ACO1: variants seen among roughly 807,000 people sequenced by gnomAD.
ACO1 encodes aconitase 1.
In ACO1, 78 loss-of-function variants were observed where a neutral mutation model predicts 105.1. The observed-to-expected ratio is 0.74, with a 90% CI of 0.62 to 0.90. The LOEUF (loss-of-function observed/expected upper bound fraction) is 0.90. Ranked by LOEUF, ACO1 falls within the 40% of genes least tolerant of loss-of-function variation. The pLI is 0.00. For synonymous variants in ACO1, 364 were observed against 397.4 expected (o/e 0.92, Z 1.00); for missense variants, 965 against 1,111.1 (o/e 0.87, Z 1.87).
chr9:32,388,263 C>T (rs1238093004), intron 1 of ACO1, among the ~76,000 whole-genome samples: 1 of 152,226 alleles, frequency 6.6e-6, no homozygotes, highest in African/African-American at 2.4e-5. Context: ...AAGGCCCAGG[C>T]ACCGTGGCTT....
At chr9:32,448,257 TAG>T (rs1302317238) in intron 19 of ACO1, among the ~76,000 whole-genome samples, 1 of 152,190 alleles carries the variant, frequency 6.6e-6, no homozygotes. Context: ...AGGAGGAATC[TAG>T]AGAGGCAGTA....
rs1244788974 is a variant in ACO1 at position 32,451,681 on chromosome 9, C to G, written c.*1570C>G. 6.6e-6 allele frequency: 1 copy of G among 152,170 alleles called. No individual in the cohort carries two copies. The highest frequency in any genetic ancestry group is 1.9e-4 in the East Asian group (1 of 5,196). 9.4% of individuals were successfully genotyped at this position (152,170 alleles called of 1,614,324 possible). A position where few individuals can be genotyped will look rare whatever the true frequency, so the allele number is the denominator to read the frequency against. ...CTGGAATCTAATCCTCTTTCTACTT[C>G]TCACCAGATGAGGGATCAAGACAGG... On this transcript the variant is annotated 3_prime_UTR_variant, in exon 21 of 21. Coordinates refer to ENST00000309951, the MANE Select transcript of ACO1 (RefSeq NM_002197.3).
intron 1 of ACO1, among the ~76,000 whole-genome samples, chr9:32,389,799 A>ATTTT (rs1821228942): frequency 3.1e-5 from 1 of 32,668 alleles, no homozygotes; most frequent in African/African-American, 1.4e-4. Flanking sequence ...TTTCCTCTAT[A>ATTTT]CTTTTTTTTT....
At chr9:32,449,200 G>A in intron 20 of ACO1, 119 bp downstream of exon 20, 2 of 949,110 alleles carry the variant, frequency 2.1e-6, no homozygotes, top group South Asian at 1.8e-5. Flanking sequence ...CAGGAGGACT[G>A]CATTAGACTT....
At chr9:32,440,721 T>G in intron 19 of ACO1, 134 bp downstream of exon 19, 1 of 1,204,740 alleles carries the variant, frequency 8.3e-7, no homozygotes. Context: ...TAGTGTTTAT[T>G]CCTGGCCTGC....
At chr9:32,412,353 C>T (rs1250796640) in intron 4 of ACO1, among the ~76,000 whole-genome samples, 1 of 152,134 alleles carries the variant, frequency 6.6e-6, no homozygotes, top group East Asian at 1.9e-4. Flanking sequence ...AAGCAGTTAT[C>T]TCAGGGATTG....
chr9:32,440,582 C>T lies in ACO1; in HGVS notation c.2365C>T (p.Leu789=). 2 of 1,613,780 alleles carry T rather than the reference C, an allele frequency of 1.2e-6. No individual in the cohort carries two copies. Among genetic ancestry groups the T allele is most frequent in the Non-Finnish European group, 1.7e-6 (2 of 1,179,814 alleles). ...SRDWAAKGPF[L]LGIKAVLAES... is the part of the protein sequence containing the mutation. ...AGACTGGGCAGCTAAGGGCCCTTTC[C>T]TGCTGGTGAGTATGAAGTAGACATC... is the stretch of plus-strand genomic sequence containing the variant. Residue 789 remains leucine, a synonymous_variant, in exon 19 of 21, where the codon CTG becomes TTG. Transcript: ENST00000309951.
intron 19 of ACO1, among the ~76,000 whole-genome samples, chr9:32,445,200 T>C (rs1258588884): frequency 1.3e-5 from 2 of 152,100 alleles, no homozygotes; most frequent in Non-Finnish European, 2.9e-5. Context: ...CCAGCTCCTC[T>C]TTGTACCTCT....
chr9:32,415,721 C>T (rs1821833403), intron 4 of ACO1, among the ~76,000 whole-genome samples: 1 of 152,164 alleles, frequency 6.6e-6, no homozygotes, highest in Non-Finnish European at 1.5e-5. Context: ...CGGGGTCCCT[C>T]CTTTCTCTCC....
chr9:32,453,270 T>C lies in ACO1; in HGVS notation c.*3159T>C, dbSNP rs1288858829. 6.6e-6 allele frequency: 1 copy of C among 152,018 alleles called. No homozygotes were observed. Among genetic ancestry groups the C allele is most frequent in the Non-Finnish European group, 1.5e-5 (1 of 68,000 alleles). The allele number at this position is 152,018 out of a possible 1,614,324, so 9.4% of individuals were successfully genotyped here. A position where few individuals can be genotyped will look rare whatever the true frequency, so the allele number is the denominator to read the frequency against. On this transcript the variant is annotated 3_prime_UTR_variant, in exon 21 of 21. Coordinates refer to ENST00000309951, the MANE Select transcript of ACO1 (RefSeq NM_002197.3). ...TCATGTGTATTTACACACCAGATTTTTATGGTACATAGGGAGTAATCTAGG... is the reference window on the plus strand; with the variant it reads ...TCATGTGTATTTACACACCAGATTTCTATGGTACATAGGGAGTAATCTAGG...
At chr9:32,442,287 C>T (rs1273207557) in intron 19 of ACO1, among the ~76,000 whole-genome samples, 11 of 152,034 alleles carry the variant, frequency 7.2e-5, no homozygotes, top group African/African-American at 2.2e-4. Flanking sequence ...TCCCACCCCA[C>T]GCTCCCTGCA....
At chr9:32,410,019 G>A (rs375832957) in intron 4 of ACO1, among the ~76,000 whole-genome samples, 1 of 152,118 alleles carries the variant, frequency 6.6e-6, no homozygotes, top group African/African-American at 2.4e-5. Context: ...GTGAGGTTAG[G>A]AGCCAAGTAG....
chr9:32,447,821 C>A (rs1026239053), intron 19 of ACO1, among the ~76,000 whole-genome samples: 2 of 152,326 alleles, frequency 1.3e-5, no homozygotes, highest in African/African-American at 4.8e-5. Flanking sequence ...AACAAGCAGA[C>A]TCCTCTGCTG....
intron 13 of ACO1, among the ~76,000 whole-genome samples, 162 bp from the exon 14 acceptor site, chr9:32,430,256 G>A (rs1016374230): frequency 1.3e-5 from 2 of 152,152 alleles, no homozygotes; most frequent in African/African-American, 2.4e-5. Context: ...CTCCCATGGG[G>A]ACACCCCAGT....
rs1822737173 is a variant in ACO1 at position 32,450,410 on chromosome 9, C to G, written c.*299C>G. The G allele has an allele frequency of 2.4e-6, 1 of 420,304 alleles. No homozygotes were observed. Among genetic ancestry groups the G allele is most frequent in the Non-Finnish European group, 4.5e-6 (1 of 221,458 alleles). 26.0% of individuals were successfully genotyped at this position (420,304 alleles called of 1,614,324 possible). On this transcript the variant is annotated 3_prime_UTR_variant, in exon 21 of 21. Coordinates refer to ENST00000309951, the MANE Select transcript of ACO1 (RefSeq NM_002197.3). ...TAAAGTTACTGATCACAGGACGTTG[C>G]TTTTTCACTGTTTCCTATTAATCTT...
chr9:32,413,342 G>A (rs992316794), intron 4 of ACO1, among the ~76,000 whole-genome samples: 1 of 151,938 alleles, frequency 6.6e-6, no homozygotes, highest in African/African-American at 2.4e-5. Context: ...AAATTAGCCG[G>A]GCATGGTGGT....
chr9:32,401,414 C>T (rs1821493788), intron 1 of ACO1, among the ~76,000 whole-genome samples: 1 of 151,024 alleles, frequency 6.6e-6, no homozygotes, highest in Non-Finnish European at 1.5e-5. Flanking sequence ...GGTTATCCCA[C>T]TAATGAGTCC....
intron 12 of ACO1, among the ~76,000 whole-genome samples, chr9:32,429,104 C>G (rs1490534811): frequency 1.3e-5 from 2 of 152,108 alleles, no homozygotes; most frequent in Non-Finnish European, 1.5e-5. Flanking sequence ...TCATGTGCCT[C>G]ATAAAATTCA....
At position 32,452,962 on chromosome 9, in the gene ACO1, C is replaced by A. The variant is rs1822800693; in HGVS notation, c.*2851C>A. 1.2e-5 allele frequency: 1 copy of A among 80,576 alleles called. No homozygotes were observed. The highest frequency in any genetic ancestry group is 5.6e-5 in the African/African-American group (1 of 17,862). 5.0% of individuals were successfully genotyped at this position (80,576 alleles called of 1,614,324 possible). On this transcript the variant is annotated 3_prime_UTR_variant, in exon 21 of 21. Transcript: ENST00000309951. ...GAGTGAGACCCTATCAATCAATCAC[C>A]ACCCCCCCCCCCCCCAAAAAAAAAA... is the stretch of plus-strand genomic sequence containing the variant.
Sources: allele counts gnomAD v4.1 joint callset (sites outside exome capture counted in the v4.1 genomes callset), GRCh38; gene constraint gnomAD v4.1.1; transcripts MANE v1.5; gene names NCBI Gene and HGNC (gene_info 2026-07-23, HGNC 2026-07-21).